RBM44: variants seen among roughly 807,000 people sequenced by gnomAD.
The protein encoded by RBM44 is RNA-binding protein 44.
RBM44 carries 66 observed loss-of-function variants against 105.1 expected under a neutral mutation model. That is an observed-to-expected ratio of 0.63 (90% CI 0.52 to 0.77). The LOEUF is 0.77. Among genes scored for constraint, RBM44 ranks in the 30% least tolerant of loss-of-function variants. The pLI is 0.00. For synonymous variants in RBM44, 365 were observed against 417.6 expected, an observed-to-expected ratio of 0.87 and a Z score of 1.54; for missense variants, 1,122 against 1,207.8, an observed-to-expected ratio of 0.93 and a Z score of 1.05.
Position 237,817,206 on chromosome 2 carries a change from C to A in RBM44, c.287C>A (p.Ser96Ter). ...DTNTESTQFQ[S>*]SELEDSTDYA... Reference sequence around the variant, plus strand: ...AACACAGAGAGTACTCAGTTTCAGTCAAGTGAACTTGAAGACAGTACTGAC... The same window carrying A: ...AACACAGAGAGTACTCAGTTTCAGTAAAGTGAACTTGAAGACAGTACTGAC... Residue 96 changes from serine to a stop codon, truncating the protein, a stop_gained, in exon 3 of 16, where the codon TCA (serine) becomes TAA (stop). Coordinates refer to ENST00000316997, the MANE Select transcript of RBM44 (RefSeq NM_001080504.3). LOFTEE classifies it high-confidence loss of function. 1 of 1,600,836 alleles carries A rather than the reference C, an allele frequency of 6.2e-7. No individual in the cohort carries two copies. Among genetic ancestry groups the A allele is most frequent in the South Asian group, 1.1e-5 (1 of 89,564 alleles).
At chr2:237,832,078 G>A (rs1418283789) in intron 13 of RBM44, among the ~76,000 whole-genome samples, 1 of 151,530 alleles carries the variant, frequency 6.6e-6, no homozygotes, top group East Asian at 1.9e-4. Flanking sequence ...GCTTTGTTTT[G>A]CTTGATTCTA....
intron 15 of RBM44, among the ~76,000 whole-genome samples, chr2:237,837,665 C>T (rs1198818): frequency 0.52 from 76,546 of 147,050 alleles, 20,646 homozygotes; most frequent in East Asian, 0.69. Context: ...AGAAAGTGCT[C>T]TCTTTTTTTA....
rs2061572755 is a variant in RBM44 at position 237,803,930 on chromosome 2, C to A, written c.-19+5069C>A. On this transcript the variant is annotated intron_variant, in intron 1 of 15. Transcript: ENST00000316997. This position sits in a 1 kb window ranked among gnomAD's most constrained non-coding sequence, Gnocchi z 4.2. ...TGAGACAGAGTCTTGCTTTGTCACCCAGGCTGGGGTACAGTGGCGCAATCT... is the reference window on the plus strand; with the variant it reads ...TGAGACAGAGTCTTGCTTTGTCACCAAGGCTGGGGTACAGTGGCGCAATCT... 6.6e-6 allele frequency among the ~76,000 whole-genome samples: 1 copy of A among 151,718 alleles called. No individual in the cohort carries two copies. The highest frequency in any genetic ancestry group is 2.1e-4 in the South Asian group (1 of 4,816).
At chr2:237,839,776 G>A (rs2061993297) in intron 15 of RBM44, among the ~76,000 whole-genome samples, 1 of 152,134 alleles carries the variant, frequency 6.6e-6, no homozygotes, top group South Asian at 2.1e-4. Flanking sequence ...AACAAAAGAA[G>A]ATACATATAT....
At chr2:237,813,728 T>A in intron 2 of RBM44, 46 bp downstream of exon 2, 1 of 1,243,710 alleles carries the variant, frequency 8.0e-7, no homozygotes, top group Non-Finnish European at 1.2e-6. Context: ...GGGAAGGGTG[T>A]TAAATGTATT....
At chr2:237,831,488 G>A (rs533194893) in intron 13 of RBM44, among the ~76,000 whole-genome samples, 12 of 152,128 alleles carry the variant, frequency 7.9e-5, no homozygotes, top group African/African-American at 2.4e-4. Context: ...TCACCATGTT[G>A]GCCAGGCTCA....
rs1227534194 is a variant in RBM44 at position 237,818,953 on chromosome 2, C to CG, written c.1730_1731insG (p.Glu578Ter). The CG allele has an allele frequency of 6.9e-7, 1 of 1,451,248 alleles. No individual in the cohort carries two copies. Among genetic ancestry groups the CG allele is most frequent in the Non-Finnish European group, 9.4e-7 (1 of 1,064,554 alleles). The allele number at this position is 1,451,248 out of a possible 1,614,324, so 89.9% of individuals were successfully genotyped here. ...GGTATCACAGACCTAAAGAAACATC[C>CG]TGAGAGGTACATCATTTATATATGC... is the stretch of plus-strand genomic sequence containing the variant. On this transcript the variant is annotated frameshift_variant, in exon 4 of 16. Coordinates refer to ENST00000316997, the MANE Select transcript of RBM44 (RefSeq NM_001080504.3). LOFTEE classifies it high-confidence loss of function. This position sits in a 1 kb window ranked among gnomAD's most constrained non-coding sequence, Gnocchi z 4.6.
chr2:237,802,194 T>C (rs1013688680), intron 1 of RBM44, among the ~76,000 whole-genome samples: 5 of 152,344 alleles, frequency 3.3e-5, no homozygotes, highest in Non-Finnish European at 5.9e-5. Context: ...AAGTCTTGTA[T>C]GTTTCCCATA....
chr2:237,822,692 A>G (rs2061805661), intron 8 of RBM44, among the ~76,000 whole-genome samples: 1 of 152,116 alleles, frequency 6.6e-6, no homozygotes, highest in Non-Finnish European at 1.5e-5. Flanking sequence ...TAGGAATGGT[A>G]TAACCTGTTT....
rs372411647 is a variant in RBM44 at position 237,817,862 on chromosome 2, T to G, written c.943T>G (p.Ser315Ala). 23 of 1,608,852 alleles carry G rather than the reference T, an allele frequency of 1.4e-5. No individual in the cohort carries two copies. The highest frequency in any genetic ancestry group is 2.0e-5 in the Non-Finnish European group (23 of 1,178,398). ...CCAGGAATCTCAATCTAAGAGTGGT[T>G]CCTTGAGCCCTCAAAAAGTATTAAA... The part of the protein sequence containing the change: ...GNQESQSKSG[S>A]LSPQKVLKMK... Residue 315 changes from serine (S) to alanine (A), a missense_variant, in exon 3 of 16, where the codon TCC becomes GCC. Around this residue, in one of 3 missense-constraint regions of RBM44, gnomAD observed 918 missense variants for 955.3 expected, o/e 0.96. Coordinates refer to ENST00000316997, the MANE Select transcript of RBM44 (RefSeq NM_001080504.3).
intron 1 of RBM44, among the ~76,000 whole-genome samples, chr2:237,800,905 G>C (rs2061538971): frequency 6.6e-6 from 1 of 152,112 alleles, no homozygotes; most frequent in Non-Finnish European, 1.5e-5. Flanking sequence ...TTTTAGTAGA[G>C]ACGGGTTTTC....
At position 237,822,018 on chromosome 2, in the gene RBM44, G is replaced by A. The variant is rs564523452; in HGVS notation, c.2205+191G>A. ...AATCCTGATCAAACAGATGTCAACC[G>A]TATATGTTGAGTAGGGTGACCATAT... On this transcript the variant is annotated intron_variant, in intron 8 of 15. Coordinates refer to ENST00000316997, the MANE Select transcript of RBM44 (RefSeq NM_001080504.3). Among the ~76,000 whole-genome samples the A allele has an allele frequency of 1.4e-3, 219 of 152,114 alleles. 2 individuals are homozygous for A. The highest frequency in any genetic ancestry group is 6.8e-3 in the Middle Eastern group (2 of 294).
At position 237,817,975 on chromosome 2, in the gene RBM44, A is replaced by G. The variant is rs751000837; in HGVS notation, c.1056A>G (p.Leu352=). The part of the protein sequence containing the change: ...CGNKIVENKI[L]LHLENPSTLP... ...ATAAAATTGTTGAGAACAAAATATT[A>G]CTGCACCTTGAAAATCCTAGCACAT... Residue 352 remains leucine (L), a synonymous_variant, in exon 3 of 16, where the codon TTA becomes TTG. Coordinates refer to ENST00000316997, the MANE Select transcript of RBM44 (RefSeq NM_001080504.3). 6.2e-7 allele frequency: 1 copy of G among 1,612,212 alleles called. No individual in the cohort carries two copies. The highest frequency in any genetic ancestry group is 8.5e-7 in the Non-Finnish European group (1 of 1,179,120).
In RBM44 at chr2:237,818,051, C is replaced by T; in HGVS notation, c.1132C>T (p.Gln378Ter). 6.2e-7 allele frequency: 1 copy of T among 1,612,842 alleles called. No individual in the cohort carries two copies. Among genetic ancestry groups the T allele is most frequent in the South Asian group, 1.1e-5 (1 of 90,996 alleles). The change falls in exon 3 of 16, where the codon CAA becomes TAA. Residue 378 changes from glutamine to a stop codon, truncating the protein, a stop_gained. Coordinates refer to ENST00000316997, the MANE Select transcript of RBM44 (RefSeq NM_001080504.3). LOFTEE classifies it high-confidence loss of function. The surrounding 1 kb of genome is among the most constrained non-coding windows in gnomAD (Gnocchi z 4.6). ...ATTACTCCAACCCTGTAAAGATTGT[C>T]AAACTTCCTGGACCTCTGTTTTTGA... ...ETLLQPCKDC[Q>*]TSWTSVFDDS...
rs982970810 is a variant in RBM44 at position 237,823,426 on chromosome 2, A to G, written c.2206-14A>G. 2.5e-6 allele frequency: 3 copies of G among 1,185,664 alleles called. No homozygotes were observed. The highest frequency in any genetic ancestry group is 1.2e-6 in the Non-Finnish European group (1 of 822,552). 73.4% of individuals were successfully genotyped at this position (1,185,664 alleles called of 1,614,324 possible). A position where few individuals can be genotyped will look rare whatever the true frequency, so the allele number is the denominator to read the frequency against. On this transcript the variant is annotated splice_polypyrimidine_tract_variant and intron_variant, in intron 8 of 15. Coordinates refer to ENST00000316997, the MANE Select transcript of RBM44 (RefSeq NM_001080504.3). ...TTTGCCCTTATTTATTGTTTTTATT[A>G]TCTTAATCCTCAGATGTCTTTATCA...
rs200793107 is a variant in RBM44 at position 237,834,032 on chromosome 2, T to C, written c.2922T>C (p.Ala974=). 1.3e-6 allele frequency: 2 copies of C among 1,564,550 alleles called. No individual in the cohort carries two copies. The highest frequency in any genetic ancestry group is 2.4e-5 in the South Asian group (2 of 83,744). ...VKKNCKQIES[A]KLLPDTPVQF... ...AGAATTGTAAGCAGATTGAATCTGC[T>C]AAATTATTACCTGATACACCCGTTC... is the stretch of plus-strand genomic sequence containing the variant. Residue 974 remains alanine, a synonymous_variant, in exon 14 of 16, where the codon GCT becomes GCC. Coordinates refer to ENST00000316997, the MANE Select transcript of RBM44 (RefSeq NM_001080504.3).
chr2:237,831,242 T>TG lies in RBM44; in HGVS notation c.2886+1740_2886+1741insG, dbSNP rs1331435108. ...TTACCATCCTTATTTGTCCTTTTTT[T>TG]TGGGGGGGGGGGGGTTTGTCTTTGT... On this transcript the variant is annotated intron_variant, in intron 13 of 15. Transcript: ENST00000316997. Among the ~76,000 whole-genome samples, 47 of 114,132 alleles carry TG rather than the reference T, an allele frequency of 4.1e-4. 1 individual carries two copies. The highest frequency in any genetic ancestry group is 8.6e-4 in the Non-Finnish European group (46 of 53,714). The allele number at this position is 114,132 out of a possible 152,430, so 74.9% of individuals were successfully genotyped here. A position where few individuals can be genotyped will look rare whatever the true frequency, so the allele number is the denominator to read the frequency against.
At chr2:237,801,153 G>C (rs1183148002) in intron 1 of RBM44, among the ~76,000 whole-genome samples, 1 of 152,114 alleles carries the variant, frequency 6.6e-6, no homozygotes, top group Non-Finnish European at 1.5e-5. Flanking sequence ...GCATGGTGAA[G>C]CCCTGTCTCT....
At chr2:237,839,918 G>A (rs2150993520) in intron 15 of RBM44, among the ~76,000 whole-genome samples, 1 of 152,302 alleles carries the variant, frequency 6.6e-6, no homozygotes, top group South Asian at 2.1e-4. Context: ...ATAGGCTGGG[G>A]AGGGGGTGGC....
Sources: allele counts gnomAD v4.1 joint callset (sites outside exome capture counted in the v4.1 genomes callset), GRCh38; gene constraint gnomAD v4.1.1; regional missense constraint gnomAD v4.1.1; non-coding constraint Gnocchi (gnomAD v3.1); transcripts MANE v1.5; gene names NCBI Gene and HGNC (gene_info 2026-07-23, HGNC 2026-07-21).